CTNNA2: variants seen among roughly 807,000 people sequenced by gnomAD.
CTNNA2 encodes the protein catenin alpha 2, also known as catenin alpha-2.
In CTNNA2, 42 loss-of-function variants were observed where a neutral mutation model predicts 101.0. That is an observed-to-expected ratio of 0.42 (90% CI 0.32 to 0.54). CTNNA2 has a LOEUF of 0.54. Ranked by LOEUF, CTNNA2 falls within the 20% of genes least tolerant of loss-of-function variation. CTNNA2 has a pLI of 0.14. For missense variants in CTNNA2, 871 were observed against 1,223.1 expected (o/e 0.71, Z 4.29); for synonymous variants, 450 against 456.4 (o/e 0.99, Z 0.18).
intron 18 of CTNNA2, among the ~76,000 whole-genome samples, chr2:80,645,783 G>T (rs1361975736): frequency 1.3e-5 from 2 of 152,200 alleles, no homozygotes; most frequent in African/African-American, 4.8e-5. Context: ...AGAGTATGGG[G>T]TTCAGCAGTG....
rs115645797 is a variant in CTNNA2, at chr2:79,923,037, G to T, written c.1056+13240G>T. 2.5e-3 allele frequency among the ~76,000 whole-genome samples: 380 copies of T among 152,154 alleles called. 1 individual carries two copies. The highest frequency in any genetic ancestry group is 0.011 in the South Asian group (53 of 4,820). On this transcript the variant is annotated intron_variant, in intron 7 of 18. Coordinates refer to ENST00000402739, the MANE Select transcript of CTNNA2 (RefSeq NM_001282597.3). ...ACTCTGGACAAATATCCAATCTGTA[G>T]GTATCTACAGATCCTAGCAGAACCC...
At chr2:79,437,422 G>A (rs764320680) in intron 4 of CTNNA2, among the ~76,000 whole-genome samples, 2 of 152,114 alleles carry the variant, frequency 1.3e-5, no homozygotes, top group Non-Finnish European at 2.9e-5. Context: ...AGGTGCTGCC[G>A]ATTCTGCTGG....
At chr2:80,523,648 G>T (rs1689770075) in intron 9 of CTNNA2, among the ~76,000 whole-genome samples, 1 of 152,134 alleles carries the variant, frequency 6.6e-6, no homozygotes, top group African/African-American at 2.4e-5. Flanking sequence ...GGGTGTAAGT[G>T]GTACATGGAC....
intron 7 of CTNNA2, among the ~76,000 whole-genome samples, chr2:80,251,690 T>C (rs935707896): frequency 1.3e-5 from 2 of 152,196 alleles, no homozygotes; most frequent in African/African-American, 4.8e-5. Flanking sequence ...TTCTGAATTG[T>C]TGGAAGGCTA....
At position 80,608,313 on chromosome 2, in the gene CTNNA2, T is replaced by C; in HGVS notation, c.2425T>C (p.Ser809Pro). 6.2e-7 allele frequency: 1 copy of C among 1,608,784 alleles called. No homozygotes were observed. Among genetic ancestry groups the C allele is most frequent in the Non-Finnish European group, 8.5e-7 (1 of 1,176,384 alleles). Residue 809 changes from serine (S) to proline (P), a missense_variant, in exon 17 of 19, where the codon TCA (serine) becomes CCA (proline). Physicochemically the swap from Ser to Pro is moderately conservative, Grantham distance 74. This residue lies in a region of CTNNA2 where 93 missense variants were observed against 223.7 expected (regional missense o/e 0.42). Coordinates refer to ENST00000402739, the MANE Select transcript of CTNNA2 (RefSeq NM_001282597.3). ...GAATCTGGGAGGAGAGCTCATTGTG[T>C]CAGGGGTAAGCTGGACTTGGGCTTC... ...VQNLGGELIV[S>P]GTGVQSTFTT...
intron 2 of CTNNA2, among the ~76,000 whole-genome samples, chr2:79,202,384 C>G (rs1313270445): frequency 6.6e-6 from 1 of 151,204 alleles, no homozygotes; most frequent in Non-Finnish European, 1.5e-5. Flanking sequence ...ACTCTGTCAC[C>G]CAGGCTGAAC....
At chr2:80,646,558 TC>T (rs1674113880) in intron 18 of CTNNA2, among the ~76,000 whole-genome samples, 1 of 152,000 alleles carries the variant, frequency 6.6e-6, no homozygotes, top group African/African-American at 2.4e-5. Flanking sequence ...AATAGGTACT[TC>T]CATTGGTTGG....
At chr2:79,427,675 G>C (rs951988288) in intron 4 of CTNNA2, among the ~76,000 whole-genome samples, 5 of 150,916 alleles carry the variant, frequency 3.3e-5, no homozygotes, top group Non-Finnish European at 7.4e-5. Flanking sequence ...AGGGAATTGA[G>C]TCTCTTTTTC....
intron 7 of CTNNA2, among the ~76,000 whole-genome samples, chr2:80,089,285 G>A (rs1202922860): frequency 2.6e-5 from 4 of 152,058 alleles, no homozygotes; most frequent in Admixed American, 1.3e-4. Context: ...AGAGCTAGAC[G>A]CTAAAGACAA....
chr2:79,833,574 G>C (rs1401401418), intron 3 of CTNNA2, among the ~76,000 whole-genome samples: 2 of 152,122 alleles, frequency 1.3e-5, no homozygotes, highest in African/African-American at 4.8e-5. Flanking sequence ...AGGCTGGTGA[G>C]GAAAATCCTG....
intron 7 of CTNNA2, among the ~76,000 whole-genome samples, chr2:80,387,968 A>G (rs1445096554): frequency 1.3e-5 from 2 of 152,186 alleles, no homozygotes; most frequent in East Asian, 3.8e-4. Flanking sequence ...GGCTATGTCT[A>G]TTGCACACTC....
At position 79,536,269 on chromosome 2, in the gene CTNNA2, T is replaced by C. The variant is rs572777289; in HGVS notation, c.-6+23062T>C. 7.9e-5 allele frequency among the ~76,000 whole-genome samples: 12 copies of C among 152,328 alleles called. No individual in the cohort carries two copies. The South Asian group carries it at 2.5e-3, about 32-fold the overall frequency. Reference sequence around the variant, plus strand: ...ATGAGGTGAAAGCATGATCGCTATTTGGTTGATTCTGATCATATATCTGTT... The same window carrying C: ...ATGAGGTGAAAGCATGATCGCTATTCGGTTGATTCTGATCATATATCTGTT... On this transcript the variant is annotated intron_variant, in intron 1 of 18. Transcript: ENST00000402739.
chr2:79,719,187 T>C (rs954017330), intron 2 of CTNNA2, among the ~76,000 whole-genome samples: 1 of 152,164 alleles, frequency 6.6e-6, no homozygotes, highest in African/African-American at 2.4e-5. Context: ...TGTCCCTGTG[T>C]TAATTCCCTT....
chr2:79,627,743 A>G (rs1679414884), intron 1 of CTNNA2, among the ~76,000 whole-genome samples: 1 of 152,194 alleles, frequency 6.6e-6, no homozygotes, highest in East Asian at 1.9e-4. Flanking sequence ...CCTGGTTCCA[A>G]AATATTCAAT....
At chr2:79,545,020 AAC>A (rs750033947) in intron 1 of CTNNA2, among the ~76,000 whole-genome samples, 1 of 151,898 alleles carries the variant, frequency 6.6e-6, no homozygotes, top group African/African-American at 2.4e-5. Context: ...AAAAAGGAAA[AAC>A]ACAATATTTT....
At chr2:79,606,407 A>G (rs956010088) in intron 1 of CTNNA2, among the ~76,000 whole-genome samples, 14 of 152,250 alleles carry the variant, frequency 9.2e-5, no homozygotes, top group Admixed American at 5.2e-4. Context: ...AGCTGGGACT[A>G]CAGACACCCG....
chr2:79,238,434 TA>T (rs1674584357), intron 2 of CTNNA2, among the ~76,000 whole-genome samples: 2 of 141,870 alleles, frequency 1.4e-5, no homozygotes, highest in South Asian at 4.4e-4. Flanking sequence ...GTTTGAAATA[TA>T]ATATGAATTA....
At chr2:79,221,041 T>C (rs1363012160) in intron 2 of CTNNA2, among the ~76,000 whole-genome samples, 3 of 152,198 alleles carry the variant, frequency 2.0e-5, no homozygotes, top group Non-Finnish European at 4.4e-5. Flanking sequence ...TGCAAAAACA[T>C]TATCTTATAA....
chr2:80,203,451 T>C (rs547241854), intron 7 of CTNNA2, among the ~76,000 whole-genome samples: 108 of 152,288 alleles, frequency 7.1e-4, no homozygotes, highest in Admixed American at 1.4e-3. Flanking sequence ...GCCAAAACAA[T>C]GGGGCCACAG....
Sources: allele counts gnomAD v4.1 joint callset (sites outside exome capture counted in the v4.1 genomes callset), GRCh38; gene constraint gnomAD v4.1.1; regional missense constraint gnomAD v4.1.1; transcripts MANE v1.5; gene names NCBI Gene and HGNC (gene_info 2026-07-23, HGNC 2026-07-21).